The following TCEA1 variants were observed in gnomAD, a reference collection of about 807,000 sequenced individuals.
TCEA1 encodes transcription elongation factor A1.
TCEA1 carries 21 observed loss-of-function variants against 43.8 expected under a neutral mutation model. The ratio of observed to expected loss-of-function variants is 0.48; its 90% CI spans 0.34 to 0.69. The LOEUF (loss-of-function observed/expected upper bound fraction) is 0.69, where lower values mean the gene tolerates loss of function less well. TCEA1 is among the 30% of genes least tolerant of loss of function. TCEA1 has a pLI of 0.01. For synonymous variants in TCEA1, 104 were observed against 117.5 expected (o/e 0.88, Z 0.75); for missense variants, 250 against 365.1 (o/e 0.68, Z 2.57).
In TCEA1 at chr8:53,968,115, G is replaced by A; in HGVS notation, c.898-3C>T. 1.3e-6 allele frequency: 2 copies of A among 1,521,204 alleles called. No homozygotes were observed. Among genetic ancestry groups the A allele is most frequent in the South Asian group, 1.3e-5 (1 of 79,160 alleles). The allele number at this position is 1,521,204 out of a possible 1,614,324, so 94.2% of individuals were successfully genotyped here. A position where few individuals can be genotyped will look rare whatever the true frequency, so the allele number is the denominator to read the frequency against. On this transcript the variant is annotated splice_region_variant and splice_polypyrimidine_tract_variant and intron_variant, in intron 9 of 9. Coordinates refer to ENST00000521604, the MANE Select transcript of TCEA1 (RefSeq NM_006756.4). ...CCAATTCTTCCAACTCAACAGAACTGTCAAAAAAGAAAAAATATTTTGTAA... is the reference window on the plus strand; with the variant it reads ...CCAATTCTTCCAACTCAACAGAACTATCAAAAAAGAAAAAATATTTTGTAA...
At chr8:54,005,974 C>G (rs1028470062) in intron 2 of TCEA1, among the ~76,000 whole-genome samples, 1 of 152,208 alleles carries the variant, frequency 6.6e-6, no homozygotes, top group African/African-American at 2.4e-5. Flanking sequence ...ATTTTCACTT[C>G]TAAATGCCAC....
In TCEA1 at chr8:53,981,927, CTTTTTTT is replaced by C. The variant is rs35034211; in HGVS notation, c.678+2429_678+2435del. Among the ~76,000 whole-genome samples the C allele has an allele frequency of 7.8e-5, 10 of 128,154 alleles. No individual in the cohort carries two copies. The East Asian group carries it at 9.0e-4, about 12-fold the overall frequency. The allele number at this position is 128,154 out of a possible 152,430, so 84.1% of individuals were successfully genotyped here. On this transcript the variant is annotated intron_variant, in intron 7 of 9. Coordinates refer to ENST00000521604, the MANE Select transcript of TCEA1 (RefSeq NM_006756.4). The stretch of plus-strand genomic sequence containing the variant: ...ACCACACCATGCCCAGCTAAGTTTT[CTTTTTTT>C]TTTTTTTTTTTGTAGAGATGGGAAC...
In TCEA1 at chr8:53,966,730, A is replaced by G. The variant is rs1031188355; in HGVS notation, c.*1374T>C. 5.0e-6 allele frequency: 1 copy of G among 199,718 alleles called. No homozygotes were observed. Among genetic ancestry groups the G allele is most frequent in the Non-Finnish European group, 1.0e-5 (1 of 97,062 alleles). 12.4% of individuals were successfully genotyped at this position (199,718 alleles called of 1,614,324 possible). ...GAGGTGAGTTGGTACCAGTGGGCCA[A>G]TTCTTAACACGGACATTTAAAAATG... On this transcript the variant is annotated 3_prime_UTR_variant, in exon 10 of 10. Transcript: ENST00000521604.
rs1485569888 is a variant in TCEA1, at chr8:53,967,755, G to T, written c.*349C>A. The stretch of plus-strand genomic sequence containing the variant: ...TTCATTTATGTATTAATAACAGAGA[G>T]TAACAGAATTTCTACTGTGTATGTT... On this transcript the variant is annotated 3_prime_UTR_variant, in exon 10 of 10. Transcript: ENST00000521604. 1 of 253,178 alleles carries T rather than the reference G, an allele frequency of 3.9e-6. No individual in the cohort carries two copies. Among genetic ancestry groups the T allele is most frequent in the Non-Finnish European group, 7.6e-6 (1 of 132,182 alleles). The allele number at this position is 253,178 out of a possible 1,614,324, so 15.7% of individuals were successfully genotyped here. A position where few individuals can be genotyped will look rare whatever the true frequency, so the allele number is the denominator to read the frequency against.
chr8:53,984,166 T>C (rs1273749266), intron 7 of TCEA1, among the ~76,000 whole-genome samples, 197 bp downstream of exon 7: 1 of 152,210 alleles, frequency 6.6e-6, no homozygotes, highest in African/African-American at 2.4e-5. Context: ...ATTAAAAGCA[T>C]GGAAACAGTT....
At chr8:53,998,406 T>C (rs1228272124) in intron 3 of TCEA1, among the ~76,000 whole-genome samples, 1 of 152,172 alleles carries the variant, frequency 6.6e-6, no homozygotes, top group Admixed American at 6.5e-5. Flanking sequence ...AAACTCCACA[T>C]ATTCAGGAGG....
In TCEA1 at chr8:54,005,954, G is replaced by A. The variant is rs564951308; in HGVS notation, c.126+4476C>T. The stretch of plus-strand genomic sequence containing the variant: ...ATGTCTTTAACCCCATATGCAACTA[G>A]CTCTCCTTTATTTTCACTTCTAAAT... On this transcript the variant is annotated intron_variant, in intron 2 of 9. Transcript: ENST00000521604. Among the ~76,000 whole-genome samples, 4 of 152,182 alleles carry A rather than the reference G, an allele frequency of 2.6e-5. No individual in the cohort carries two copies. The East Asian group carries it at 7.7e-4, about 29-fold the overall frequency.
intron 1 of TCEA1, among the ~76,000 whole-genome samples, chr8:54,010,710 T>C (rs993011190): frequency 6.6e-6 from 1 of 152,246 alleles, no homozygotes; most frequent in African/African-American, 2.4e-5. Flanking sequence ...TTCTATTTCA[T>C]TTAGTCTAAT....
At chr8:54,005,155 C>G (rs748023563) in intron 2 of TCEA1, among the ~76,000 whole-genome samples, 1 of 152,216 alleles carries the variant, frequency 6.6e-6, no homozygotes, top group Non-Finnish European at 1.5e-5. Context: ...CCTAGGGGAT[C>G]TAACCCACCT....
intron 6 of TCEA1, 135 bp downstream of exon 6, chr8:53,986,834 T>C: frequency 1.5e-6 from 1 of 645,532 alleles, no homozygotes; most frequent in Non-Finnish European, 2.7e-6. Context: ...TTCTGTTTTC[T>C]CTCTGTAAAA....
chr8:53,999,781 A>T (rs906770130), intron 3 of TCEA1, 164 bp downstream of exon 3: 5 of 531,414 alleles, frequency 9.4e-6, no homozygotes, highest in Non-Finnish European at 1.6e-5. Flanking sequence ...AAAAACCCTA[A>T]AGATCAAATT....
At chr8:53,973,614 T>C (rs1011100077) in intron 8 of TCEA1, 6 of 568,366 alleles carry the variant, frequency 1.1e-5, no homozygotes, top group Non-Finnish European at 1.7e-5. Flanking sequence ...TAAGAAACAC[T>C]TCAATTACAA....
chr8:53,969,951 A>T (rs888389972), intron 9 of TCEA1, among the ~76,000 whole-genome samples: 2 of 152,162 alleles, frequency 1.3e-5, no homozygotes, highest in Non-Finnish European at 2.9e-5. Context: ...CTACCAAATG[A>T]CAGCAGTGCT....
At chr8:53,985,177 C>T (rs573963282) in intron 6 of TCEA1, among the ~76,000 whole-genome samples, 48 of 152,100 alleles carry the variant, frequency 3.2e-4, no homozygotes, top group Non-Finnish European at 3.4e-4. Flanking sequence ...CCACCATGCC[C>T]GGCTAATTTT....
chr8:54,020,580 G>C (rs1047150273), intron 1 of TCEA1, among the ~76,000 whole-genome samples: 1 of 152,174 alleles, frequency 6.6e-6, no homozygotes, highest in Non-Finnish European at 1.5e-5. Context: ...CTGTCCAGAA[G>C]AAAACCTGGG....
At chr8:53,997,089 T>C (rs1804082453) in intron 3 of TCEA1, among the ~76,000 whole-genome samples, 1 of 151,942 alleles carries the variant, frequency 6.6e-6, no homozygotes, top group South Asian at 2.1e-4. Context: ...TGTATTTTTT[T>C]AGTAGAGATG....
At chr8:53,980,453 C>G (rs886392597) in intron 7 of TCEA1, among the ~76,000 whole-genome samples, 11 of 152,226 alleles carry the variant, frequency 7.2e-5, no homozygotes, top group African/African-American at 2.4e-4. Context: ...TTTCCAAAAG[C>G]ATGTGCTCAT....
intron 8 of TCEA1, chr8:53,971,580 C>A (rs1803158347): frequency 6.4e-6 from 1 of 156,732 alleles, no homozygotes; most frequent in Non-Finnish European, 1.4e-5. Context: ...CACTGCACTC[C>A]AGCCCAGCAA....
chr8:53,968,706 G>A (rs1049744997), intron 9 of TCEA1, among the ~76,000 whole-genome samples: 1 of 151,978 alleles, frequency 6.6e-6, no homozygotes, highest in African/African-American at 2.4e-5. Context: ...GCCAGGCATG[G>A]TGGTCCCAGG....
Sources: allele counts gnomAD v4.1 joint callset (sites outside exome capture counted in the v4.1 genomes callset), GRCh38; gene constraint gnomAD v4.1.1; transcripts MANE v1.5; gene names NCBI Gene and HGNC (gene_info 2026-07-23, HGNC 2026-07-21).